Variants in VWC2 observed in about 807,000 individuals in gnomAD.
VWC2 encodes von Willebrand factor C domain containing 2, also known as brorin.
In VWC2, 14 loss-of-function variants were observed where a neutral mutation model predicts 29.8. The observed-to-expected ratio is 0.47, with a 90% confidence interval of 0.31 to 0.74. The LOEUF is 0.74. VWC2 is among the 30% of genes least tolerant of loss of function. The pLI, the probability that VWC2 is intolerant of heterozygous loss-of-function variation, is 0.05. For missense variants in VWC2, 457 were observed against 459.8 expected, an observed-to-expected ratio of 0.99 and a Z score of 0.05; for synonymous variants, 213 against 199.0, an observed-to-expected ratio of 1.07 and a Z score of -0.59.
At chr7:49,905,932 T>C (rs1040648977) in intron 3 of VWC2, among the ~76,000 whole-genome samples, 1 of 152,176 alleles carries the variant, frequency 6.6e-6, no homozygotes, top group Non-Finnish European at 1.5e-5. Flanking sequence ...AGTTTACAAA[T>C]GCCATGGCAA....
chr7:49,803,571 T>G (rs1036028633), intron 3 of VWC2, among the ~76,000 whole-genome samples: 1 of 152,144 alleles, frequency 6.6e-6, no homozygotes, highest in Non-Finnish European at 1.5e-5. Flanking sequence ...AGGATCTGAG[T>G]GGCCTCGCTG....
rs553205808 is a variant in VWC2, at chr7:49,818,925, A to G, written c.826+16085A>G. 6.7e-4 allele frequency among the ~76,000 whole-genome samples: 101 copies of G among 151,508 alleles called. 1 individual carries two copies. The highest frequency in any genetic ancestry group is 2.3e-3 in the African/African-American group (96 of 41,406). ...TATGAATTTGCCTTTAAAATAAAAT[A>G]TTATGTAAAGGAAGGCAACAGCCTC... On this transcript the variant is annotated intron_variant, in intron 3 of 3. Transcript: ENST00000340652.
chr7:49,878,511 A>C (rs1228560558), intron 3 of VWC2, among the ~76,000 whole-genome samples: 1 of 152,122 alleles, frequency 6.6e-6, no homozygotes, highest in African/African-American at 2.4e-5. Context: ...ATTTTCTTTC[A>C]AAACTCTGAA....
chr7:49,814,366 A>C (rs1181226817), intron 3 of VWC2, among the ~76,000 whole-genome samples: 1 of 152,184 alleles, frequency 6.6e-6, no homozygotes, highest in Non-Finnish European at 1.5e-5. Flanking sequence ...CATTTCTGAC[A>C]AACTAGATAA....
intron 3 of VWC2, among the ~76,000 whole-genome samples, chr7:49,873,948 A>C (rs1014677701): frequency 6.6e-6 from 1 of 152,054 alleles, no homozygotes; most frequent in African/African-American, 2.4e-5. Context: ...CAGTATTAGT[A>C]TGATACATTT....
chr7:49,867,929 G>A (rs975828803), intron 3 of VWC2, among the ~76,000 whole-genome samples: 4 of 151,860 alleles, frequency 2.6e-5, no homozygotes, highest in Non-Finnish European at 2.9e-5. Context: ...CGCCTCCCAA[G>A]TTCAAGCAAT....
chr7:49,859,112 G>A (rs530373913), intron 3 of VWC2, among the ~76,000 whole-genome samples: 79 of 152,322 alleles, frequency 5.2e-4, no homozygotes, highest in Non-Finnish European at 1.1e-3. Context: ...GCATACCTTA[G>A]AGGAGAATTT....
chr7:49,789,695 A>G (rs1198680176), intron 2 of VWC2, among the ~76,000 whole-genome samples: 1 of 152,244 alleles, frequency 6.6e-6, no homozygotes, highest in African/African-American at 2.4e-5. Flanking sequence ...GTTTTTAAAG[A>G]AGAGAATATC....
intron 3 of VWC2, among the ~76,000 whole-genome samples, chr7:49,809,587 T>C (rs1788953897): frequency 6.6e-6 from 1 of 151,986 alleles, no homozygotes; most frequent in Non-Finnish European, 1.5e-5. Flanking sequence ...TAGAAACAAA[T>C]TTATTTCATG....
At chr7:49,849,361 TAAG>T (rs1378879708) in intron 3 of VWC2, among the ~76,000 whole-genome samples, 1 of 152,214 alleles carries the variant, frequency 6.6e-6, no homozygotes, top group East Asian at 1.9e-4. Flanking sequence ...ATTAGATGGC[TAAG>T]AAGGGAGTTT....
intron 3 of VWC2, among the ~76,000 whole-genome samples, chr7:49,834,557 G>T (rs1789613403): frequency 6.6e-6 from 1 of 152,174 alleles, no homozygotes; most frequent in Non-Finnish European, 1.5e-5. Context: ...TAGAAAATAG[G>T]GTTTCTGGTC....
intron 3 of VWC2, among the ~76,000 whole-genome samples, chr7:49,881,807 T>A (rs1791676789): frequency 1.3e-5 from 2 of 152,090 alleles, no homozygotes; most frequent in Non-Finnish European, 2.9e-5. Context: ...TAATAATAAT[T>A]AAAATAATTC....
intron 3 of VWC2, among the ~76,000 whole-genome samples, chr7:49,809,476 C>T (rs1348191873): frequency 6.6e-6 from 1 of 151,798 alleles, no homozygotes; most frequent in African/African-American, 2.4e-5. Context: ...ACAAACTCAC[C>T]CAGGAAATAG....
intron 3 of VWC2, among the ~76,000 whole-genome samples, chr7:49,870,155 C>G (rs575685862): frequency 6.6e-6 from 1 of 152,198 alleles, no homozygotes; most frequent in Admixed American, 6.5e-5. Flanking sequence ...AATCCCAGCA[C>G]TTTGGGAGAC....
At chr7:49,846,449 C>T (rs944465905) in intron 3 of VWC2, among the ~76,000 whole-genome samples, 1 of 152,074 alleles carries the variant, frequency 6.6e-6, no homozygotes, top group Non-Finnish European at 1.5e-5. Flanking sequence ...ACATAAAGTT[C>T]TCCCTCACTT....
intron 2 of VWC2, among the ~76,000 whole-genome samples, chr7:49,790,588 C>T (rs924291886): frequency 6.6e-6 from 1 of 152,104 alleles, no homozygotes; most frequent in Non-Finnish European, 1.5e-5. Context: ...TTAGAATTAG[C>T]TCTCTTTTTG....
At chr7:49,873,909 A>T (rs949828442) in intron 3 of VWC2, among the ~76,000 whole-genome samples, 2 of 150,478 alleles carry the variant, frequency 1.3e-5, no homozygotes, top group Non-Finnish European at 3.0e-5. Context: ...AATTAAGTAA[A>T]AAAAAAAAAC....
At chr7:49,838,635 G>T (rs1336760276) in intron 3 of VWC2, among the ~76,000 whole-genome samples, 15 of 152,088 alleles carry the variant, frequency 9.9e-5, no homozygotes, top group Non-Finnish European at 1.6e-4. Flanking sequence ...GTAGAACGTG[G>T]CTCCGTACAA....
At chr7:49,900,752 A>C (rs1393779695) in intron 3 of VWC2, among the ~76,000 whole-genome samples, 3 of 151,860 alleles carry the variant, frequency 2.0e-5, no homozygotes, top group Non-Finnish European at 4.4e-5. Flanking sequence ...TGATATCAAT[A>C]TTTTACAATT....
Sources: allele counts gnomAD v4.1 joint callset (sites outside exome capture counted in the v4.1 genomes callset), GRCh38; gene constraint gnomAD v4.1.1; transcripts MANE v1.5; gene names NCBI Gene and HGNC (gene_info 2026-07-23, HGNC 2026-07-21).